RELN: variants seen among roughly 807,000 people sequenced by gnomAD.
RELN encodes reelin.
Under a neutral mutation model 427.6 loss-of-function variants are expected in RELN, and 108 were observed. The observed-to-expected ratio is 0.25, with a 90% CI of 0.22 to 0.30. RELN has a LOEUF of 0.30. Among genes scored for constraint, RELN ranks in the 10% least tolerant of loss-of-function variants. The pLI is 1.00. For synonymous variants in RELN, 1,524 were observed against 1,513.4 expected, an observed-to-expected ratio of 1.01 and a Z score of -0.16; for missense variants, 3,715 against 4,302.8, an observed-to-expected ratio of 0.86 and a Z score of 3.82.
intron 7 of RELN, among the ~76,000 whole-genome samples, chr7:103,726,610 G>A (rs563495731): frequency 6.6e-6 from 1 of 152,142 alleles, no homozygotes; most frequent in African/African-American, 2.4e-5. Flanking sequence ...ATGAAAATGT[G>A]AATTTTGGCA....
At chr7:103,600,803 C>T (rs1831648325) in intron 24 of RELN, among the ~76,000 whole-genome samples, 1 of 152,258 alleles carries the variant, frequency 6.6e-6, no homozygotes, top group African/African-American at 2.4e-5. Context: ...TAGTTAGTTG[C>T]AGGGCATAAA....
At chr7:103,884,464 A>T (rs889497932) in intron 2 of RELN, among the ~76,000 whole-genome samples, 1 of 152,140 alleles carries the variant, frequency 6.6e-6, no homozygotes, top group African/African-American at 2.4e-5. Context: ...CTTCTGCACA[A>T]CAAAAGAAAC....
At chr7:103,707,688 G>A (rs1379658602) in intron 8 of RELN, among the ~76,000 whole-genome samples, 1 of 151,914 alleles carries the variant, frequency 6.6e-6, no homozygotes, top group Non-Finnish European at 1.5e-5. Flanking sequence ...TAGTAGAGAC[G>A]GGGTTTCACC....
At chr7:103,749,353 G>T in intron 6 of RELN, 73 bp downstream of exon 6, 1 of 1,143,822 alleles carries the variant, frequency 8.7e-7, no homozygotes, top group Non-Finnish European at 1.3e-6. Context: ...TTAAGTAACT[G>T]CTCCTTAAAG....
intron 8 of RELN, among the ~76,000 whole-genome samples, chr7:103,714,418 G>C (rs971640206): frequency 6.6e-6 from 1 of 152,190 alleles, no homozygotes; most frequent in African/African-American, 2.4e-5. Flanking sequence ...TTGGTCCTAA[G>C]TGTGCTATTT....
At chr7:103,935,600 A>C (rs1795964146) in intron 1 of RELN, among the ~76,000 whole-genome samples, 1 of 152,070 alleles carries the variant, frequency 6.6e-6, no homozygotes, top group Non-Finnish European at 1.5e-5. Flanking sequence ...ATGCCAAAGG[A>C]TCCCAAATCT....
At chr7:103,501,014 A>AAAAC in intron 52 of RELN, 92 bp from the exon 53 acceptor site, 1 of 1,155,348 alleles carries the variant, frequency 8.7e-7, no homozygotes. Context: ...CTCAAGAGAA[A>AAAAC]AAACATTTAA....
intron 12 of RELN, among the ~76,000 whole-genome samples, chr7:103,661,022 C>A (rs1384120591): frequency 1.3e-5 from 2 of 152,150 alleles, no homozygotes; most frequent in Non-Finnish European, 2.9e-5. Context: ...AACAAAGGCT[C>A]ACCTTGATGA....
At chr7:103,941,614 T>A (rs568147924) in intron 1 of RELN, among the ~76,000 whole-genome samples, 6 of 152,260 alleles carry the variant, frequency 3.9e-5, no homozygotes, top group Non-Finnish European at 5.9e-5. Context: ...TTGAAAAAAA[T>A]TTTAAATGTT....
At chr7:103,487,007 A>C (rs1828464402) in intron 60 of RELN, among the ~76,000 whole-genome samples, 1 of 152,260 alleles carries the variant, frequency 6.6e-6, no homozygotes, top group Non-Finnish European at 1.5e-5. Context: ...GAACCAACCC[A>C]AATGTCCATC....
intron 17 of RELN, among the ~76,000 whole-genome samples, chr7:103,637,718 A>G (rs1237793476): frequency 6.6e-6 from 1 of 152,176 alleles, no homozygotes; most frequent in Non-Finnish European, 1.5e-5. Flanking sequence ...ATGGACTTAG[A>G]CTGAACTTAG....
chr7:103,803,764 C>G (rs939603103), intron 3 of RELN, among the ~76,000 whole-genome samples: 1 of 151,908 alleles, frequency 6.6e-6, no homozygotes, highest in African/African-American at 2.4e-5. Flanking sequence ...CCTTGACTAC[C>G]ACATTTCCAG....
intron 7 of RELN, among the ~76,000 whole-genome samples, chr7:103,726,021 A>C (rs1790202727): frequency 6.6e-6 from 1 of 152,204 alleles, no homozygotes; most frequent in Non-Finnish European, 1.5e-5. Flanking sequence ...AAAAATAAGA[A>C]GGCATATTGT....
At position 103,596,563 on chromosome 7, in the gene RELN, G is replaced by C; in HGVS notation, c.3432C>G (p.Asn1144Lys). ...IQIGGESASC[N>K]KPDSREEGVL... ...CGCCCTCCTCTCTGCTGTCAGGCTT[G>C]TTGCATGAAGCACTCTCTCCGCCTA... Residue 1144 changes from asparagine to lysine, a missense_variant, in exon 25 of 65, where the codon AAC becomes AAG. This residue lies in a region of RELN where 2,208 missense variants were observed against 2,361.7 expected (regional missense o/e 0.93). Transcript: ENST00000428762. 3 of 1,614,026 alleles carry C rather than the reference G, an allele frequency of 1.9e-6. No homozygotes were observed. The South Asian group carries it at 3.3e-5, about 18-fold the overall frequency.
At chr7:103,529,360 G>A (rs1490840411) in intron 46 of RELN, among the ~76,000 whole-genome samples, 1 of 151,972 alleles carries the variant, frequency 6.6e-6, no homozygotes, top group African/African-American at 2.4e-5. Flanking sequence ...TAGGTCATTA[G>A]GGCTAGTAGA....
intron 2 of RELN, among the ~76,000 whole-genome samples, chr7:103,873,143 T>A (rs1398996757): frequency 6.6e-6 from 1 of 150,698 alleles, no homozygotes; most frequent in African/African-American, 2.4e-5. Context: ...AATAAAGATG[T>A]TCTTTGAAAC....
chr7:103,583,893 C>G (rs949890228), intron 28 of RELN, among the ~76,000 whole-genome samples: 1 of 152,124 alleles, frequency 6.6e-6, no homozygotes, highest in Non-Finnish European at 1.5e-5. Context: ...ATTTGGAGAC[C>G]CCGTGAAGGC....
intron 8 of RELN, among the ~76,000 whole-genome samples, chr7:103,713,657 AT>A (rs1789860344): frequency 8.8e-6 from 1 of 113,998 alleles, no homozygotes. Context: ...TCTGGCATTT[AT>A]CCTTTTTTTT....
chr7:103,983,728 C>T (rs965159452), intron 1 of RELN, among the ~76,000 whole-genome samples: 7 of 152,142 alleles, frequency 4.6e-5, no homozygotes, highest in African/African-American at 1.7e-4. Context: ...ATTACTCAGG[C>T]ATAGCCTAAA....
Sources: allele counts gnomAD v4.1 joint callset (sites outside exome capture counted in the v4.1 genomes callset), GRCh38; gene constraint gnomAD v4.1.1; regional missense constraint gnomAD v4.1.1; transcripts MANE v1.5; gene names NCBI Gene and HGNC (gene_info 2026-07-23, HGNC 2026-07-21).